The following PDCD2 variants were observed in gnomAD, a reference collection of about 807,000 sequenced individuals.
PDCD2 encodes uS5 assembly chaperone PDCD2.
A neutral mutation model predicts 38.1 loss-of-function variants in PDCD2; 38 were observed. The observed-to-expected ratio is 1.00, with a 90% CI of 0.77 to 1.31. PDCD2 has a LOEUF of 1.31. Ranked by LOEUF, PDCD2 falls within the 50% of genes most tolerant of loss-of-function variation. PDCD2 has a pLI of 0.00. For missense variants in PDCD2, 473 were observed against 435.7 expected, an observed-to-expected ratio of 1.09 and a Z score of -0.76; for synonymous variants, 205 against 168.9, an observed-to-expected ratio of 1.21 and a Z score of -1.66.
rs1379433341 is a variant in PDCD2, at chr6:170,578,430, A to AT, written c.876+426dup. 3 of 566,032 alleles carry AT rather than the reference A, an allele frequency of 5.3e-6. No individual in the cohort carries two copies. The East Asian group carries it at 8.8e-5, about 17-fold the overall frequency. The allele number at this position is 566,032 out of a possible 1,614,324, so 35.1% of individuals were successfully genotyped here. ...ACATTTATCTTTAATGCTTATATCCATTTTTTCTAACAAATCCACAAACCA... is the reference window on the plus strand; with the variant it reads ...ACATTTATCTTTAATGCTTATATCCATTTTTTTCTAACAAATCCACAAACCA... On this transcript the variant is annotated intron_variant, in intron 5 of 5. Coordinates refer to ENST00000541970, the MANE Select transcript of PDCD2 (RefSeq NM_002598.4).
At chr6:170,577,755 A>G in intron 5 of PDCD2, 38 bp from the exon 6 acceptor site, 10 of 1,605,374 alleles carry the variant, frequency 6.2e-6, no homozygotes, top group Non-Finnish European at 8.5e-6. Context: ...AAGCTGCTTC[A>G]CAGCAGGGAG....
chr6:170,583,873 T>A (rs1779712389), intron 1 of PDCD2, 126 bp from the exon 2 acceptor site: 2 of 806,764 alleles, frequency 2.5e-6, no homozygotes, highest in South Asian at 3.8e-5. Context: ...CTTTCAGGAA[T>A]AAGCTTTTAA....
chr6:170,578,967 G>T lies in PDCD2; in HGVS notation c.766C>A (p.Leu256Ile). The T allele has an allele frequency of 1.3e-6, 2 of 1,552,908 alleles. No homozygotes were observed. Among genetic ancestry groups the T allele is most frequent in the South Asian group, 1.2e-5 (1 of 85,264 alleles). ...TQIALEPEQI[L>I]RYGRGIAPIW... ...GGGGCAATACCTCTGCCATATCTAA[G>T]AATCTAAAATCAATGAAGATCATGT... is the stretch of plus-strand genomic sequence containing the variant. Residue 256 changes from leucine to isoleucine, a missense_variant, in exon 5 of 6, where the codon CTT becomes ATT. Transcript: ENST00000541970.
Position 170,577,691 on chromosome 6 carries a change from C to T in PDCD2, c.903G>A (p.Leu301=). The change falls in exon 6 of 6, where the codon CTG becomes CTA. Residue 301 remains leucine (L), a synonymous_variant. Transcript: ENST00000541970. ...FQVMPQLLNY[L]KADRLGKSID... is the part of the protein sequence containing the mutation. ...TGCTCTTGCCCAGTCTGTCAGCCTT[C>T]AGGTAGTTTAGGAGCTGAGGCATGA... is the stretch of plus-strand genomic sequence containing the variant. The T allele has an allele frequency of 6.2e-7, 1 of 1,613,090 alleles. No homozygotes were observed. Among genetic ancestry groups the T allele is most frequent in the Non-Finnish European group, 8.5e-7 (1 of 1,179,996 alleles).
intron 3 of PDCD2, chr6:170,581,702 TCCC>T (rs34467989): frequency 6.2e-6 from 1 of 161,800 alleles, no homozygotes; most frequent in Admixed American, 5.7e-5. Flanking sequence ...TCGTTTCCTT[TCCC>T]CCCAATACAC....
At chr6:170,578,567 T>C (rs1205918955) in intron 5 of PDCD2, 1 of 695,300 alleles carries the variant, frequency 1.4e-6, no homozygotes, top group Non-Finnish European at 2.6e-6. Flanking sequence ...ACAGAGGCAC[T>C]AATAATAATG....
rs1259893115 is a variant in PDCD2, at chr6:170,584,483, C to G, written c.99G>C (p.Gly33=). 7.6e-7 allele frequency: 1 copy of G among 1,319,644 alleles called. No homozygotes were observed. Among genetic ancestry groups the G allele is most frequent in the South Asian group, 2.2e-5 (1 of 45,210 alleles). The allele number at this position is 1,319,644 out of a possible 1,614,324, so 81.7% of individuals were successfully genotyped here. ...RSEQFPSKVG[G]RPAWLGAAGL... ...CGGCCGCGCCCAGCCATGCCGGCCG[C>G]CCGCCCACCTTGCTGGGGAACTGCT... Residue 33 remains glycine, a synonymous_variant, in exon 1 of 6, where the codon GGG becomes GGC. Transcript: ENST00000541970.
chr6:170,581,006 T>A (rs1779579537), intron 3 of PDCD2: 1 of 152,176 alleles, frequency 6.6e-6, no homozygotes, highest in South Asian at 2.1e-4. Context: ...AGTATAACCG[T>A]TAGGACACTG....
chr6:170,584,336 G>A lies in PDCD2; in HGVS notation c.246C>T (p.Phe82=), dbSNP rs764967878. The change falls in exon 1 of 6, where the codon TTC becomes TTT. Residue 82 remains phenylalanine, a synonymous_variant. Coordinates refer to ENST00000541970, the MANE Select transcript of PDCD2 (RefSeq NM_002598.4). ...PDAFHRCIFL[F]CCREQPCCAG... is the part of the protein sequence containing the mutation. ...CACAGCACGGCTGCTCGCGGCAGCA[G>A]AAGAGGAAGATGCAGCGGTGGAAGG... is the stretch of plus-strand genomic sequence containing the variant. 21 of 1,502,206 alleles carry A rather than the reference G, an allele frequency of 1.4e-5. No homozygotes were observed. The highest frequency in any genetic ancestry group is 1.8e-5 in the Non-Finnish European group (20 of 1,131,578). The allele number at this position is 1,502,206 out of a possible 1,614,324, so 93.1% of individuals were successfully genotyped here. A position where few individuals can be genotyped will look rare whatever the true frequency, so the allele number is the denominator to read the frequency against.
chr6:170,580,442 C>G (rs1040453539), intron 3 of PDCD2, among the ~76,000 whole-genome samples: 9 of 152,208 alleles, frequency 5.9e-5, no homozygotes, highest in African/African-American at 1.9e-4. Flanking sequence ...TGGCCTGGAG[C>G]AGTGGCTCAC....
chr6:170,577,405 T>A lies in PDCD2; in HGVS notation c.*154A>T. The A allele has an allele frequency of 1.6e-6, 1 of 644,100 alleles. No homozygotes were observed. Among genetic ancestry groups the A allele is most frequent in the Admixed American group, 3.0e-5 (1 of 33,740 alleles). 39.9% of individuals were successfully genotyped at this position (644,100 alleles called of 1,614,324 possible). ...TATTTAATTCCCTGTCACTGGACAC[T>A]TTTGTTTCACTAATAAGTAGACACT... On this transcript the variant is annotated 3_prime_UTR_variant, in exon 6 of 6. Coordinates refer to ENST00000541970, the MANE Select transcript of PDCD2 (RefSeq NM_002598.4).
In PDCD2 at chr6:170,583,662, T is replaced by C. The variant is rs773957107; in HGVS notation, c.369A>G (p.Ser123=). 1.4e-5 allele frequency: 22 copies of C among 1,613,988 alleles called. No homozygotes were observed. The South Asian group carries it at 2.3e-4, about 17-fold the overall frequency. The change falls in exon 2 of 6, where the codon TCA becomes TCG. Residue 123 remains serine (S), a synonymous_variant. Coordinates refer to ENST00000541970, the MANE Select transcript of PDCD2 (RefSeq NM_002598.4). The part of the protein sequence containing the change: ...SENPPPETGE[S]VCLQLKSGAH... ...CACCAGACTTAAGCTGGAGACACAC[T>C]GATTCTCCTGTTTCTGGGGGAGGAT...
rs994532951 is a variant in PDCD2, at chr6:170,576,116, T to G, written c.*1443A>C. 1.3e-5 allele frequency: 2 copies of G among 152,170 alleles called. No homozygotes were observed. The highest frequency in any genetic ancestry group is 1.9e-4 in the East Asian group (1 of 5,178). The allele number at this position is 152,170 out of a possible 1,614,324, so 9.4% of individuals were successfully genotyped here. On this transcript the variant is annotated 3_prime_UTR_variant, in exon 6 of 6. Coordinates refer to ENST00000541970, the MANE Select transcript of PDCD2 (RefSeq NM_002598.4). The stretch of plus-strand genomic sequence containing the variant: ...ATAGTTATAGGTGATTTTCATAGAT[T>G]TAGCCATCCCAGGTTCGAAACTAGT...
intron 5 of PDCD2, among the ~76,000 whole-genome samples, chr6:170,578,214 G>C (rs1779497119): frequency 6.6e-6 from 1 of 152,104 alleles, no homozygotes; most frequent in South Asian, 2.1e-4. Context: ...ACCTCAATTT[G>C]GACATTGAGA....
Position 170,578,926 on chromosome 6 carries a change from A to G in PDCD2, c.807T>C (p.Gly269=). The G allele has an allele frequency of 1.2e-6, 2 of 1,605,284 alleles. No homozygotes were observed. The highest frequency in any genetic ancestry group is 1.7e-6 in the Non-Finnish European group (2 of 1,177,462). Residue 269 remains glycine (G), a synonymous_variant, in exon 5 of 6, where the codon GGT becomes GGC. Transcript: ENST00000541970. The part of the protein sequence containing the change: ...GRGIAPIWIS[G]ENIPQEKDIP... Reference sequence around the variant, plus strand: ...TATCCTTTTCTTGAGGAATATTTTCACCAGAAATCCAGATGGGGGCAATAC... The same window carrying G: ...TATCCTTTTCTTGAGGAATATTTTCGCCAGAAATCCAGATGGGGGCAATAC...
chr6:170,583,470 AAACTG>A (rs748716865), intron 2 of PDCD2, 30 bp downstream of exon 2: 58 of 1,586,082 alleles, frequency 3.7e-5, no homozygotes, highest in Non-Finnish European at 4.6e-5. Context: ...AAAGGCGATG[AAACTG>A]AACTGAGACT....
In PDCD2 at chr6:170,583,174, T is replaced by C; in HGVS notation, c.541A>G (p.Ile181Val). 2 of 1,606,778 alleles carry C rather than the reference T, an allele frequency of 1.2e-6. No homozygotes were observed. Among genetic ancestry groups the C allele is most frequent in the South Asian group, 1.1e-5 (1 of 90,684 alleles). The change falls in exon 3 of 6, where the codon ATA becomes GTA. Residue 181 changes from isoleucine to valine, a missense_variant. By Grantham distance (29) the Ile-to-Val change is conservative. Transcript: ENST00000541970. Reference sequence around the variant, plus strand: ...AAAAGGAAGTTGTGGTCTGGAATTATATGGTCCAGATGATCTGAAACAAAA... The same window carrying C: ...AAAAGGAAGTTGTGGTCTGGAATTACATGGTCCAGATGATCTGAAACAAAA... ...ACAQPDHLDH[I>V]IPDHNFLFPE...
chr6:170,575,933 TAC>T lies in PDCD2; in HGVS notation c.*1624_*1625del, dbSNP rs1231953147. On this transcript the variant is annotated 3_prime_UTR_variant, in exon 6 of 6. Transcript: ENST00000541970. Reference sequence around the variant, plus strand: ...AAGTCATTAGCAGTCATAACGTACTTACAGATTCTGCCTATAAGGAATAATAC... The same window carrying T: ...AAGTCATTAGCAGTCATAACGTACTTAGATTCTGCCTATAAGGAATAATAC... 6.6e-6 allele frequency: 1 copy of T among 152,200 alleles called. No homozygotes were observed. The highest frequency in any genetic ancestry group is 2.4e-5 in the African/African-American group (1 of 41,436). The allele number at this position is 152,200 out of a possible 1,614,324, so 9.4% of individuals were successfully genotyped here.
At chr6:170,582,198 A>G (rs1321909886) in intron 3 of PDCD2, 4 of 1,479,280 alleles carry the variant, frequency 2.7e-6, no homozygotes, top group Non-Finnish European at 3.7e-6. Flanking sequence ...ACTTCCCCAG[A>G]TATTATTTGG....
Sources: allele counts gnomAD v4.1 joint callset (sites outside exome capture counted in the v4.1 genomes callset), GRCh38; gene constraint gnomAD v4.1.1; transcripts MANE v1.5; gene names NCBI Gene and HGNC (gene_info 2026-07-23, HGNC 2026-07-21).